The following VANGL1 variants were observed in gnomAD, a reference collection of about 807,000 sequenced individuals.
VANGL1 encodes vang-like protein 1.
In VANGL1, 18 loss-of-function variants were observed where a neutral mutation model predicts 48.4. That is an observed-to-expected ratio of 0.37 (90% CI 0.26 to 0.55). The LOEUF is 0.55. Among genes scored for constraint, VANGL1 ranks in the 20% least tolerant of loss-of-function variants. The pLI is 0.81. For synonymous variants in VANGL1, 257 were observed against 261.8 expected (o/e 0.98, Z 0.18); for missense variants, 667 against 675.8 (o/e 0.99, Z 0.14).
At chr1:115,667,425 T>C (rs1267881517) in intron 4 of VANGL1, among the ~76,000 whole-genome samples, 3 of 152,208 alleles carry the variant, frequency 2.0e-5, no homozygotes, top group African/African-American at 7.2e-5. Context: ...AGATACTTCC[T>C]AACCTCTGCC....
chr1:115,683,609 CT>C (rs1653473426), intron 5 of VANGL1, among the ~76,000 whole-genome samples: 1 of 152,182 alleles, frequency 6.6e-6, no homozygotes, highest in Non-Finnish European at 1.5e-5. Flanking sequence ...CAAACTGAAA[CT>C]TTATGTAACA....
intron 4 of VANGL1, 105 bp from the exon 5 acceptor site, chr1:115,682,259 C>G: frequency 1.4e-6 from 2 of 1,467,010 alleles, no homozygotes; most frequent in Non-Finnish European, 1.9e-6. Flanking sequence ...ATGAGATTAT[C>G]TTTGATGTTG....
chr1:115,662,688 G>A (rs58141059), intron 3 of VANGL1, among the ~76,000 whole-genome samples: 2,828 of 152,222 alleles, frequency 0.019, 94 homozygotes, highest in African/African-American at 0.064. Context: ...GGCCATACAC[G>A]GATTCCTGGA....
At chr1:115,645,791 T>A (rs1262377533) in intron 1 of VANGL1, among the ~76,000 whole-genome samples, 1 of 152,190 alleles carries the variant, frequency 6.6e-6, no homozygotes, top group Non-Finnish European at 1.5e-5. Context: ...TTCAGAATAA[T>A]ATACACAGCA....
At chr1:115,674,341 G>A (rs138231975) in intron 4 of VANGL1, among the ~76,000 whole-genome samples, 42 of 152,294 alleles carry the variant, frequency 2.8e-4, no homozygotes, top group Non-Finnish European at 5.1e-4. Flanking sequence ...ACCACTAATT[G>A]GAGCATAAGC....
chr1:115,664,335 G>A, intron 4 of VANGL1, 67 bp downstream of exon 4: 1 of 1,572,688 alleles, frequency 6.4e-7, no homozygotes, highest in Non-Finnish European at 8.6e-7. Context: ...CTGCTCTGTA[G>A]CACGTGAGGG....
At chr1:115,690,978 G>A in intron 7 of VANGL1, 141 bp from the exon 8 acceptor site, 2 of 1,148,252 alleles carry the variant, frequency 1.7e-6, no homozygotes, top group South Asian at 1.4e-5. Flanking sequence ...GATGGGAATT[G>A]AGTGTGATGA....
chr1:115,670,448 C>T lies in VANGL1; in HGVS notation c.812+6180C>T, dbSNP rs141624999. Among the ~76,000 whole-genome samples, 63 of 152,310 alleles carry T rather than the reference C, an allele frequency of 4.1e-4. 1 individual carries two copies. The highest frequency in any genetic ancestry group is 3.4e-3 in the Middle Eastern group (1 of 294). On this transcript the variant is annotated intron_variant, in intron 4 of 7. Coordinates refer to ENST00000355485, the MANE Select transcript of VANGL1 (RefSeq NM_138959.3). Reference sequence around the variant, plus strand: ...GGGGGCCTTGCTTCTCTGGATTGCACTTTGATTTTCTAGTTTTAAGTGACA... The same window carrying T: ...GGGGGCCTTGCTTCTCTGGATTGCATTTTGATTTTCTAGTTTTAAGTGACA...
chr1:115,643,539 C>T (rs1181244258), intron 1 of VANGL1, among the ~76,000 whole-genome samples: 2 of 152,290 alleles, frequency 1.3e-5, no homozygotes, highest in East Asian at 3.9e-4. Context: ...CATTCCCAAA[C>T]GTTGATGTCT....
chr1:115,650,185 G>C (rs1652088588), intron 1 of VANGL1, among the ~76,000 whole-genome samples: 1 of 152,194 alleles, frequency 6.6e-6, no homozygotes, highest in East Asian at 1.9e-4. Flanking sequence ...TCCCAGGAGG[G>C]TTAGGGTATG....
Position 115,659,667 on chromosome 1 carries a change from C to T in VANGL1, c.98C>T (p.Ser33Leu), listed in dbSNP as rs78535164. The change falls in exon 3 of 8, where the codon TCA becomes TTA. Residue 33 changes from serine (S) to leucine (L), a missense_variant. Transcript: ENST00000355485. ...GAAAGAACTAGAGAGAGACACAAGT[C>T]ACCCCGGAATAAAGACGGCAGAGGG... ...QGERTRERHK[S>L]PRNKDGRGSE... 305 of 1,614,090 alleles carry T rather than the reference C, an allele frequency of 1.9e-4. No individual in the cohort carries two copies. The highest frequency in any genetic ancestry group is 2.5e-4 in the Non-Finnish European group (297 of 1,180,016).
chr1:115,665,602 G>A (rs907797632), intron 4 of VANGL1, among the ~76,000 whole-genome samples: 9 of 152,182 alleles, frequency 5.9e-5, no homozygotes, highest in Non-Finnish European at 1.3e-4. Context: ...CTTGGCTTGT[G>A]CTACGAGAAC....
intron 1 of VANGL1, 140 bp downstream of exon 1, chr1:115,642,226 G>C (rs7555214): frequency 0.46 from 69,504 of 151,998 alleles, 19,634 homozygotes; most frequent in African/African-American, 0.81. Context: ...GACCCCGGGT[G>C]GCCGGCTCCC....
rs1008996146 is a variant in VANGL1, at chr1:115,691,154, C to G, written c.1350C>G (p.Thr450=). ...FLERYLSAGP[T]LQYDKDRWLS... ...AACGGTACCTCAGTGCGGGCCCCACCCTGCAATATGACAAGGACCGCTGGC... is the reference window on the plus strand; with the variant it reads ...AACGGTACCTCAGTGCGGGCCCCACGCTGCAATATGACAAGGACCGCTGGC... The change falls in exon 8 of 8, where the codon ACC becomes ACG. Residue 450 remains threonine (T), a synonymous_variant. Transcript: ENST00000355485. The G allele has an allele frequency of 1.2e-6, 2 of 1,614,088 alleles. No individual in the cohort carries two copies. The highest frequency in any genetic ancestry group is 4.5e-5 in the East Asian group (2 of 44,860).
intron 7 of VANGL1, 53 bp downstream of exon 7, chr1:115,685,580 T>C: frequency 6.3e-7 from 1 of 1,579,456 alleles, no homozygotes; most frequent in Non-Finnish European, 8.7e-7. Context: ...GTCACTGAGC[T>C]TGGCCAGTTG....
chr1:115,682,678 C>T (rs372428237), intron 5 of VANGL1, among the ~76,000 whole-genome samples, 181 bp downstream of exon 5: 1 of 152,104 alleles, frequency 6.6e-6, no homozygotes, highest in Non-Finnish European at 1.5e-5. Flanking sequence ...GTTGATTTAC[C>T]ATCTACCTGT....
chr1:115,679,531 C>T (rs1388976549), intron 4 of VANGL1, among the ~76,000 whole-genome samples: 1 of 152,194 alleles, frequency 6.6e-6, no homozygotes, highest in Non-Finnish European at 1.5e-5. Context: ...GCCGGGAGCC[C>T]TGCTGGAGAC....
At chr1:115,659,013 CT>C (rs1652448835) in intron 2 of VANGL1, among the ~76,000 whole-genome samples, 1 of 151,978 alleles carries the variant, frequency 6.6e-6, no homozygotes, top group Non-Finnish European at 1.5e-5. Context: ...TGTCTTTGGC[CT>C]TTTTTCCTAG....
intron 2 of VANGL1, among the ~76,000 whole-genome samples, chr1:115,656,460 T>C (rs1379997319): frequency 6.6e-6 from 1 of 152,152 alleles, no homozygotes; most frequent in Non-Finnish European, 1.5e-5. Flanking sequence ...TTGTCTCCCT[T>C]CCAGAAAATT....
Sources: allele counts gnomAD v4.1 joint callset (sites outside exome capture counted in the v4.1 genomes callset), GRCh38; gene constraint gnomAD v4.1.1; transcripts MANE v1.5; gene names NCBI Gene and HGNC (gene_info 2026-07-23, HGNC 2026-07-21).